FOLH1: variants seen among roughly 807,000 people sequenced by gnomAD.
The protein encoded by FOLH1 is glutamate carboxypeptidase 2.
Under a neutral mutation model 93.9 loss-of-function variants are expected in FOLH1, and 54 were observed. The observed-to-expected ratio is 0.57, with a 90% confidence interval of 0.46 to 0.72. The LOEUF (loss-of-function observed/expected upper bound fraction) is 0.72, where lower values mean the gene tolerates loss of function less well. Among genes scored for constraint, FOLH1 ranks in the 30% least tolerant of loss-of-function variants. The probability of loss-of-function intolerance (pLI) is 0.00; values close to 1 mark genes in which losing one functional copy is unlikely to be tolerated. For missense variants in FOLH1, 571 were observed against 892.5 expected (o/e 0.64, Z 4.59); for synonymous variants, 249 against 303.6 (o/e 0.82, Z 1.87).
rs1342161361 is a variant in FOLH1 at position 49,145,097 on chromosome 11, C to G, written c.*1659G>C. ...TATAGAAAACATTCCAAATATACAC[C>G]AGCAGAAATAAATACATTTTATTAT... On this transcript the variant is annotated 3_prime_UTR_variant, in exon 19 of 19. Transcript: ENST00000256999. 6.6e-6 allele frequency among the ~76,000 whole-genome samples: 1 copy of G among 152,064 alleles called. No homozygotes were observed. The highest frequency in any genetic ancestry group is 1.5e-5 in the Non-Finnish European group (1 of 68,006).
intron 1 of FOLH1, chr11:49,206,942 T>C (rs902290258): frequency 6.0e-6 from 4 of 663,896 alleles, no homozygotes; most frequent in Non-Finnish European, 1.0e-5. Context: ...ATAAAGTAGT[T>C]ACAAAATTAG....
At chr11:49,202,583 G>C (rs190384120) in intron 2 of FOLH1, among the ~76,000 whole-genome samples, 42 of 152,270 alleles carry the variant, frequency 2.8e-4, no homozygotes, top group African/African-American at 8.9e-4. Context: ...CTCACTCAAG[G>C]CATCTGCCTG....
intron 4 of FOLH1, among the ~76,000 whole-genome samples, chr11:49,192,325 T>C (rs187130187): frequency 2.1e-3 from 325 of 152,116 alleles, no homozygotes; most frequent in African/African-American, 7.2e-3. Context: ...TTTGACAACG[T>C]CAAAATTAAG....
chr11:49,183,716 A>C (rs1199687792), intron 6 of FOLH1, among the ~76,000 whole-genome samples: 1 of 152,176 alleles, frequency 6.6e-6, no homozygotes, highest in Non-Finnish European at 1.5e-5. Context: ...ATACAATATG[A>C]TAGAAAATCT....
Position 49,154,061 on chromosome 11 carries a change from A to G in FOLH1, c.1889-134T>C, listed in dbSNP as rs1184930217. Reference sequence around the variant, plus strand: ...TACAAGGTATTTATATTTTTATATTATAAGACGTGAGCATCCATAAAATGG... The same window carrying G: ...TACAAGGTATTTATATTTTTATATTGTAAGACGTGAGCATCCATAAAATGG... On this transcript the variant is annotated intron_variant, in intron 16 of 18. Coordinates refer to ENST00000256999, the MANE Select transcript of FOLH1 (RefSeq NM_004476.3). The G allele has an allele frequency of 6.8e-6, 9 of 1,321,318 alleles. No individual in the cohort carries two copies. In the East Asian group the frequency reaches 2.0e-4, roughly 29 times the overall value. 81.8% of individuals were successfully genotyped at this position (1,321,318 alleles called of 1,614,324 possible). A position where few individuals can be genotyped will look rare whatever the true frequency, so the allele number is the denominator to read the frequency against.
intron 3 of FOLH1, among the ~76,000 whole-genome samples, chr11:49,197,344 A>G (rs1206952130): frequency 6.6e-6 from 1 of 152,204 alleles, no homozygotes; most frequent in Non-Finnish European, 1.5e-5. Context: ...GGTTGACTTT[A>G]TCAAAGTTAG....
chr11:49,159,702 T>C (rs1283435015), intron 13 of FOLH1, among the ~76,000 whole-genome samples: 1 of 152,158 alleles, frequency 6.6e-6, no homozygotes, highest in Admixed American at 6.5e-5. Flanking sequence ...TCAATAGAAA[T>C]AGTACCAGCC....
intron 17 of FOLH1, among the ~76,000 whole-genome samples, chr11:49,149,355 G>T (rs189641651): frequency 4.6e-4 from 70 of 152,230 alleles, no homozygotes; most frequent in Non-Finnish European, 9.1e-4. Flanking sequence ...AACTTGCTCT[G>T]CCTCAGTGAG....
chr11:49,184,070 T>C (rs1385656896), intron 6 of FOLH1, among the ~76,000 whole-genome samples: 1 of 152,180 alleles, frequency 6.6e-6, no homozygotes, highest in African/African-American at 2.4e-5. Flanking sequence ...ATCAGAGTTG[T>C]TTTTCCATTT....
At chr11:49,194,778 T>G (rs2135272021) in intron 3 of FOLH1, among the ~76,000 whole-genome samples, 1 of 152,000 alleles carries the variant, frequency 6.6e-6, no homozygotes, top group South Asian at 2.1e-4. Flanking sequence ...TAAAAAAAAT[T>G]TTAGGACAAA....
intron 3 of FOLH1, among the ~76,000 whole-genome samples, chr11:49,197,385 T>C (rs1862736678): frequency 6.6e-6 from 1 of 152,224 alleles, no homozygotes; most frequent in Non-Finnish European, 1.5e-5. Flanking sequence ...TATTTTTTAC[T>C]TTCCAAAATG....
chr11:49,206,933 T>G (rs1178142065), intron 1 of FOLH1: 1 of 693,296 alleles, frequency 1.4e-6, no homozygotes, highest in Non-Finnish European at 2.5e-6. Flanking sequence ...GATCTGGGAA[T>G]AAAGTAGTTA....
chr11:49,208,287 C>A lies in FOLH1; in HGVS notation c.118+5G>T. ...CGAGGTTTGCTCCGCGAGGCGCCCC[C>A]CTACCGAAGAGGAAGCCGAGGAGAA... is the stretch of plus-strand genomic sequence containing the variant. On this transcript the variant is annotated splice_donor_5th_base_variant and intron_variant, in intron 1 of 18. Coordinates refer to ENST00000256999, the MANE Select transcript of FOLH1 (RefSeq NM_004476.3). 2.6e-6 allele frequency: 4 copies of A among 1,546,170 alleles called. No individual in the cohort carries two copies. In the South Asian group the frequency reaches 3.5e-5, roughly 14 times the overall value.
intron 2 of FOLH1, among the ~76,000 whole-genome samples, chr11:49,202,775 G>C (rs1863422048): frequency 6.6e-6 from 1 of 152,186 alleles, no homozygotes; most frequent in Non-Finnish European, 1.5e-5. Flanking sequence ...GGTGGAATTA[G>C]CTGGGCACGG....
intron 3 of FOLH1, among the ~76,000 whole-genome samples, chr11:49,195,759 A>G (rs73473173): frequency 0.029 from 4,443 of 152,320 alleles, 78 homozygotes; most frequent in African/African-American, 0.036. Flanking sequence ...ATTACAAAAG[A>G]TAAGAAAATA....
intron 7 of FOLH1, among the ~76,000 whole-genome samples, chr11:49,178,580 G>A (rs1026021405): frequency 6.6e-5 from 10 of 152,084 alleles, no homozygotes; most frequent in African/African-American, 2.4e-4. Flanking sequence ...CATACATGGA[G>A]AAGTTTCAGT....
intron 14 of FOLH1, 141 bp downstream of exon 14, chr11:49,157,811 G>T: frequency 2.8e-6 from 2 of 727,112 alleles, no homozygotes; most frequent in Non-Finnish European, 4.3e-6. Context: ...TTTTATTTGT[G>T]AACCAAAGTA....
chr11:49,195,415 G>A (rs529370575), intron 3 of FOLH1, among the ~76,000 whole-genome samples: 1 of 152,016 alleles, frequency 6.6e-6, no homozygotes, highest in East Asian at 1.9e-4. Context: ...AAGTGGAAAG[G>A]GAAGTTAAAG....
chr11:49,191,735 TCA>T (rs60864934), intron 4 of FOLH1, among the ~76,000 whole-genome samples: 47,661 of 151,994 alleles, frequency 0.31, 8,524 homozygotes, highest in African/African-American at 0.5. Flanking sequence ...TCTCGCTCTG[TCA>T]CCTAGGCTGG....
Sources: allele counts gnomAD v4.1 joint callset (sites outside exome capture counted in the v4.1 genomes callset), GRCh38; gene constraint gnomAD v4.1.1; transcripts MANE v1.5; gene names NCBI Gene and HGNC (gene_info 2026-07-23, HGNC 2026-07-21).